CORO2B: variants seen among roughly 807,000 people sequenced by gnomAD.
The protein encoded by CORO2B is coronin 2B, also known as coronin-2B.
In CORO2B, 26 loss-of-function variants were observed where a neutral mutation model predicts 58.8. The observed-to-expected ratio is 0.44, with a 90% CI of 0.32 to 0.61. The LOEUF (loss-of-function observed/expected upper bound fraction) is 0.61, where lower values mean the gene tolerates loss of function less well. CORO2B is among the 20% of genes least tolerant of loss of function. The pLI is 0.04. For synonymous variants in CORO2B, 242 were observed against 253.8 expected, an observed-to-expected ratio of 0.95 and a Z score of 0.44; for missense variants, 460 against 645.1, an observed-to-expected ratio of 0.71 and a Z score of 3.11.
At chr15:68,668,431 G>T (rs1050437906) in intron 2 of CORO2B, among the ~76,000 whole-genome samples, 1 of 152,222 alleles carries the variant, frequency 6.6e-6, no homozygotes, top group Non-Finnish European at 1.5e-5. Context: ...ACAGTGATGG[G>T]TGCTGTGAAG....
the CORO2B span, among the ~76,000 whole-genome samples, chr15:68,548,452 C>T: frequency 4.6e-5 from 7 of 152,144 alleles, no homozygotes; most frequent in Non-Finnish European, 8.8e-5. Context: ...TGATTTCAAG[C>T]TGCCAACAGG....
intron 2 of CORO2B, among the ~76,000 whole-genome samples, chr15:68,664,803 A>G (rs1491633): frequency 0.8 from 122,027 of 152,124 alleles, 52,128 homozygotes; most frequent in Non-Finnish European, 0.93. Flanking sequence ...CTTACAATCT[A>G]TTTGCATTTC....
chr15:68,677,533 C>CG (rs1281868398), intron 2 of CORO2B, among the ~76,000 whole-genome samples: 1 of 152,058 alleles, frequency 6.6e-6, no homozygotes, highest in Non-Finnish European at 1.5e-5. Context: ...CAGATGGTGG[C>CG]GGGGGGATGC....
rs545982705 is a variant in CORO2B, at chr15:68,720,883, T to A, written c.1311+1331T>A. Reference sequence around the variant, plus strand: ...CTAGACAGTCTATACCACCAACTTATGCTATCACTATTTTTTGTTTTGAGA... The same window carrying A: ...CTAGACAGTCTATACCACCAACTTAAGCTATCACTATTTTTTGTTTTGAGA... On this transcript the variant is annotated intron_variant, in intron 11 of 11. Coordinates refer to ENST00000261861, the MANE Select transcript of CORO2B (RefSeq NM_006091.5). Among the ~76,000 whole-genome samples the A allele has an allele frequency of 2.4e-3, 362 of 152,274 alleles. 3 individuals carry two copies. Among genetic ancestry groups the A allele is most frequent in the African/African-American group, 8.4e-3 (348 of 41,556 alleles).
At chr15:68,660,701 C>T (rs531633796) in intron 2 of CORO2B, among the ~76,000 whole-genome samples, 1 of 152,302 alleles carries the variant, frequency 6.6e-6, no homozygotes, top group East Asian at 1.9e-4. Context: ...TTCACTCCTA[C>T]ACACCTTTTT....
chr15:68,545,238 CT>C, the CORO2B span, among the ~76,000 whole-genome samples: 319 of 152,164 alleles, frequency 2.1e-3, 1 homozygote, highest in African/African-American at 7.2e-3. Context: ...GTCTTCACGA[CT>C]TTTTCCCCTA....
chr15:68,605,462 GAATA>G (rs945439860), intron 1 of CORO2B, among the ~76,000 whole-genome samples: 2 of 152,170 alleles, frequency 1.3e-5, no homozygotes, highest in African/African-American at 4.8e-5. Flanking sequence ...GAGACTGGCT[GAATA>G]AATTAGGAAG....
At position 68,641,435 on chromosome 15, in the gene CORO2B, T is replaced by C. The variant is rs929017989; in HGVS notation, c.16-3725T>C. 8 of 713,404 alleles carry C rather than the reference T, an allele frequency of 1.1e-5. No individual in the cohort carries two copies. The African/African-American group carries it at 1.5e-4, about 14-fold the overall frequency. 44.2% of individuals were successfully genotyped at this position (713,404 alleles called of 1,614,324 possible). On this transcript the variant is annotated intron_variant, in intron 1 of 11. Coordinates refer to ENST00000261861, the MANE Select transcript of CORO2B (RefSeq NM_006091.5). Reference sequence around the variant, plus strand: ...CCCTGAGGACTGGGGAGCTGGGGATTTGGGGGAGAGAGGAAAGAAGGGCAG... The same window carrying C: ...CCCTGAGGACTGGGGAGCTGGGGATCTGGGGGAGAGAGGAAAGAAGGGCAG...
the CORO2B span, among the ~76,000 whole-genome samples, chr15:68,562,581 T>C: frequency 6.6e-6 from 1 of 152,012 alleles, no homozygotes; most frequent in African/African-American, 2.4e-5. Context: ...CAGTGGGAAA[T>C]ACATATACAA....
intron 1 of CORO2B, chr15:68,641,479 A>G: frequency 1.0e-6 from 1 of 955,828 alleles, no homozygotes; most frequent in Non-Finnish European, 1.2e-6. Flanking sequence ...AGGAAGCAGA[A>G]GGAGCAGGGA....
chr15:68,612,520 A>C (rs1216042429), intron 1 of CORO2B, among the ~76,000 whole-genome samples: 1 of 152,172 alleles, frequency 6.6e-6, no homozygotes, highest in Non-Finnish European at 1.5e-5. Flanking sequence ...AGGAAAACTG[A>C]GAGCTGTTGG....
chr15:68,724,599 G>A (rs548831994), intron 11 of CORO2B, among the ~76,000 whole-genome samples: 21 of 152,038 alleles, frequency 1.4e-4, no homozygotes, highest in East Asian at 1.9e-4. Flanking sequence ...CACCCAATTC[G>A]GCCACAGTTT....
chr15:68,553,569 C>T, the CORO2B span, among the ~76,000 whole-genome samples: 8 of 152,362 alleles, frequency 5.3e-5, no homozygotes, highest in Admixed American at 3.3e-4. Flanking sequence ...GTCCTATGGC[C>T]TCCAGAACTG....
the CORO2B span, among the ~76,000 whole-genome samples, chr15:68,531,598 G>A: frequency 7.2e-6 from 1 of 138,842 alleles, no homozygotes; most frequent in Non-Finnish European, 1.6e-5. Flanking sequence ...AAGAAAGAAG[G>A]AAGGAAGGAA....
At chr15:68,534,543 C>T in the CORO2B span, among the ~76,000 whole-genome samples, 1 of 152,206 alleles carries the variant, frequency 6.6e-6, no homozygotes, top group Non-Finnish European at 1.5e-5. Flanking sequence ...CCAGAGCACT[C>T]CTGTCAGCCA....
At chr15:68,525,705 CAG>C in the CORO2B span, among the ~76,000 whole-genome samples, 3 of 152,172 alleles carry the variant, frequency 2.0e-5, no homozygotes, top group Non-Finnish European at 2.9e-5. Flanking sequence ...AGCTGCTGGG[CAG>C]AGAGTCAAAC....
At position 68,672,263 on chromosome 15, in the gene CORO2B, TC is replaced by T. The variant is rs563591570; in HGVS notation, c.217-22876del. Among the ~76,000 whole-genome samples, 289 of 152,014 alleles carry T rather than the reference TC, an allele frequency of 1.9e-3. 2 individuals carry two copies. Among genetic ancestry groups the T allele is most frequent in the African/African-American group, 6.6e-3 (274 of 41,452 alleles). On this transcript the variant is annotated intron_variant, in intron 2 of 11. Transcript: ENST00000261861. ...TTTTTAAAAATTTTTTGAGACAGAA[TC>T]TCACTCTGTCGCCCAGGCTGGGGTG...
chr15:68,707,867 C>T (rs998621349), intron 3 of CORO2B, among the ~76,000 whole-genome samples: 1 of 152,108 alleles, frequency 6.6e-6, no homozygotes. Context: ...CATCCCTGAA[C>T]GCCCTGGTGC....
chr15:68,606,452 A>G (rs2035902225), intron 1 of CORO2B, among the ~76,000 whole-genome samples: 7 of 152,162 alleles, frequency 4.6e-5, no homozygotes, highest in Admixed American at 4.6e-4. Context: ...GTTCCCCAGC[A>G]TAGGGCCTTA....
Sources: allele counts gnomAD v4.1 joint callset (sites outside exome capture counted in the v4.1 genomes callset), GRCh38; gene constraint gnomAD v4.1.1; transcripts MANE v1.5; gene names NCBI Gene and HGNC (gene_info 2026-07-23, HGNC 2026-07-21).